COL24A1: variants seen among roughly 807,000 people sequenced by gnomAD.
COL24A1 encodes the protein collagen type XXIV alpha 1 chain.
In COL24A1, 224 loss-of-function variants were observed where a neutral mutation model predicts 253.9. The ratio of observed to expected loss-of-function variants is 0.88; its 90% CI spans 0.79 to 0.99. The LOEUF (loss-of-function observed/expected upper bound fraction) is 0.99. Ranked by LOEUF, COL24A1 falls within the 50% of genes least tolerant of loss-of-function variation. The pLI, the probability that COL24A1 is intolerant of heterozygous loss-of-function variation, is 0.00. For missense variants in COL24A1, 2,131 were observed against 2,068.5 expected, an observed-to-expected ratio of 1.03 and a Z score of -0.59; for synonymous variants, 685 against 673.7, an observed-to-expected ratio of 1.02 and a Z score of -0.26.
chr1:85,781,670 G>T (rs1669165592), intron 51 of COL24A1, among the ~76,000 whole-genome samples: 1 of 152,050 alleles, frequency 6.6e-6, no homozygotes, highest in African/African-American at 2.4e-5. Flanking sequence ...TAGATGTTTG[G>T]GTAACATGAA....
At chr1:85,839,750 C>A (rs937327920) in intron 42 of COL24A1, among the ~76,000 whole-genome samples, 1 of 151,856 alleles carries the variant, frequency 6.6e-6, no homozygotes, top group Non-Finnish European at 1.5e-5. Flanking sequence ...TTTTAATTTT[C>A]AAGACATAAA....
chr1:85,797,405 G>A (rs1204979846), intron 47 of COL24A1, among the ~76,000 whole-genome samples: 2 of 152,092 alleles, frequency 1.3e-5, no homozygotes, highest in Admixed American at 1.3e-4. Flanking sequence ...CTAGAAAGGT[G>A]AGTGAAGGAG....
intron 57 of COL24A1, among the ~76,000 whole-genome samples, chr1:85,741,815 T>C (rs931300130): frequency 2.0e-5 from 3 of 152,224 alleles, no homozygotes; most frequent in African/African-American, 7.2e-5. Context: ...CATTATCCTT[T>C]TCTCTTAAAA....
At chr1:86,121,349 C>T (rs1647317639) in intron 3 of COL24A1, among the ~76,000 whole-genome samples, 1 of 152,000 alleles carries the variant, frequency 6.6e-6, no homozygotes. Flanking sequence ...CATTAATTCA[C>T]TAACAGTATC....
chr1:86,105,069 G>A (rs896720060), intron 5 of COL24A1, among the ~76,000 whole-genome samples: 1 of 152,210 alleles, frequency 6.6e-6, no homozygotes, highest in Admixed American at 6.5e-5. Flanking sequence ...TGCACAGGGT[G>A]GGAGAGGGTC....
intron 24 of COL24A1, among the ~76,000 whole-genome samples, chr1:85,927,487 C>T (rs1350574058): frequency 6.9e-4 from 89 of 129,894 alleles, no homozygotes; most frequent in Non-Finnish European, 1.1e-3. Flanking sequence ...AACTGCAAGG[C>T]GGCAACGAGG....
intron 47 of COL24A1, among the ~76,000 whole-genome samples, chr1:85,788,462 T>G (rs1669924653): frequency 6.6e-6 from 1 of 152,214 alleles, no homozygotes; most frequent in South Asian, 2.1e-4. Context: ...TTCTGGATAT[T>G]ACACATTTGT....
At chr1:86,020,628 T>C (rs1571626172) in intron 18 of COL24A1, among the ~76,000 whole-genome samples, 2 of 152,216 alleles carry the variant, frequency 1.3e-5, no homozygotes, top group East Asian at 3.8e-4. Flanking sequence ...AAAATACTTA[T>C]ATTATTTATT....
At chr1:86,033,113 A>C (rs896034372) in intron 13 of COL24A1, among the ~76,000 whole-genome samples, 2 of 152,142 alleles carry the variant, frequency 1.3e-5, no homozygotes, top group African/African-American at 4.8e-5. Flanking sequence ...GAATTCACTG[A>C]ATGAGCTAAT....
At chr1:85,886,696 T>C (rs1284721277) in intron 32 of COL24A1, among the ~76,000 whole-genome samples, 1 of 152,070 alleles carries the variant, frequency 6.6e-6, no homozygotes, top group African/African-American at 2.4e-5. Flanking sequence ...TGCTAAATTT[T>C]AGACTACTTG....
At chr1:86,132,592 A>G (rs1461068373) in intron 2 of COL24A1, among the ~76,000 whole-genome samples, 1 of 152,224 alleles carries the variant, frequency 6.6e-6, no homozygotes, top group Non-Finnish European at 1.5e-5. Flanking sequence ...GTGGCTAGCC[A>G]GTTTTCCCAG....
At chr1:85,797,626 T>C (rs1379818787) in intron 47 of COL24A1, among the ~76,000 whole-genome samples, 1 of 152,208 alleles carries the variant, frequency 6.6e-6, no homozygotes, top group Non-Finnish European at 1.5e-5. Flanking sequence ...TTGTTGTCTG[T>C]GTGAACCTGC....
At chr1:85,897,572 T>C (rs1347834700) in intron 28 of COL24A1, among the ~76,000 whole-genome samples, 1 of 152,044 alleles carries the variant, frequency 6.6e-6, no homozygotes, top group East Asian at 1.9e-4. Context: ...CTACTGAAAA[T>C]ATTCGTGTAA....
intron 1 of COL24A1, 58 bp downstream of exon 1, chr1:86,156,283 G>C (rs1391018751): frequency 6.6e-7 from 1 of 1,520,436 alleles, no homozygotes; most frequent in Non-Finnish European, 9.0e-7. Flanking sequence ...AGCAGAACCA[G>C]GGGGTGGAGA....
rs752012989 is a variant in COL24A1, at chr1:86,089,140, A to G, written c.1707+34T>C. 7 of 1,532,776 alleles carry G rather than the reference A, an allele frequency of 4.6e-6. No individual in the cohort carries two copies. In the East Asian group the frequency reaches 9.1e-5, roughly 20 times the overall value. The allele number at this position is 1,532,776 out of a possible 1,614,324, so 94.9% of individuals were successfully genotyped here. A position where few individuals can be genotyped will look rare whatever the true frequency, so the allele number is the denominator to read the frequency against. On this transcript the variant is annotated intron_variant, in intron 7 of 59. Transcript: ENST00000370571. ...AAAAGACAAAAAAAAGAAAAAAAGA[A>G]GAAAAAAAGAAAAGAAGTAAAATTC... is the stretch of plus-strand genomic sequence containing the variant.
At chr1:86,060,016 T>C (rs1291690854) in intron 8 of COL24A1, among the ~76,000 whole-genome samples, 2 of 152,094 alleles carry the variant, frequency 1.3e-5, no homozygotes, top group East Asian at 1.9e-4. Context: ...TCTTTTGTTA[T>C]AGCAGCCCAA....
At chr1:86,141,761 C>T (rs1651122494) in intron 2 of COL24A1, among the ~76,000 whole-genome samples, 2 of 151,220 alleles carry the variant, frequency 1.3e-5, no homozygotes, top group South Asian at 4.2e-4. Flanking sequence ...AGTGCACTGG[C>T]ACGATCTCAG....
chr1:85,970,877 T>TA (rs1166246488), intron 21 of COL24A1, among the ~76,000 whole-genome samples: 6 of 152,186 alleles, frequency 3.9e-5, no homozygotes. Flanking sequence ...CAGAACACTG[T>TA]AAAATGATTC....
At chr1:85,851,563 T>C (rs1468811732) in intron 37 of COL24A1, among the ~76,000 whole-genome samples, 2 of 152,154 alleles carry the variant, frequency 1.3e-5, no homozygotes, top group South Asian at 2.1e-4. Flanking sequence ...ACATCCTCAA[T>C]GGCAATGTTT....
Sources: gnomAD v4.1 joint callset for allele counts (sites outside exome capture counted in the v4.1 genomes callset) on GRCh38, gnomAD v4.1.1 for gene constraint, MANE v1.5 for transcripts, NCBI Gene and HGNC (gene_info 2026-07-23, HGNC 2026-07-21) for gene names.